MTRF1: variants seen among roughly 807,000 people sequenced by gnomAD.
MTRF1 encodes the protein mitochondrial translation release factor 1, also known as peptide chain release factor 1, mitochondrial.
In MTRF1, 51 loss-of-function variants were observed where a neutral mutation model predicts 62.9. The ratio of observed to expected loss-of-function variants is 0.81; its 90% CI spans 0.65 to 1.02. The LOEUF is 1.02. Ranked by LOEUF, MTRF1 falls within the 50% of genes least tolerant of loss-of-function variation. The probability of loss-of-function intolerance (pLI) is 0.00; values close to 1 mark genes in which losing one functional copy is unlikely to be tolerated. For synonymous variants in MTRF1, 158 were observed against 181.9 expected (o/e 0.87, Z 1.06); for missense variants, 446 against 530.0 (o/e 0.84, Z 1.56).
chr13:41,217,554 A>C (rs1240556389), intron 9 of MTRF1, among the ~76,000 whole-genome samples: 2 of 152,280 alleles, frequency 1.3e-5, no homozygotes, highest in African/African-American at 4.8e-5. Context: ...TTTTATGACA[A>C]CACCATTCTA....
chr13:41,229,711 T>C (rs536185664), intron 7 of MTRF1: 1 of 152,346 alleles, frequency 6.6e-6, no homozygotes, highest in East Asian at 1.9e-4. Context: ...CTGTGTATAA[T>C]ATAGAATGAT....
the MTRF1 span, chr13:41,311,515 C>T: frequency 4.4e-6 from 7 of 1,595,812 alleles, no homozygotes; most frequent in South Asian, 5.7e-5. Flanking sequence ...CACCTAGCCT[C>T]CCTGCCGGCC....
At position 41,254,537 on chromosome 13, in the gene MTRF1, A is replaced by G. The variant is rs749166400; in HGVS notation, c.499T>C (p.Tyr167His). ...QTIDQKINML[Y>H]NELFQSLVPK... ...GACCTCTGAAAACCTACCTCATTGT[A>G]CAACATGTTGATTTTTTGATCAATG... The change falls in exon 3 of 10, where the codon TAC becomes CAC. Residue 167 changes from tyrosine (Y) to histidine (H), a missense_variant. Tyr to His is a moderately conservative substitution (Grantham distance 83). Coordinates refer to ENST00000379480, the MANE Select transcript of MTRF1 (RefSeq NM_004294.4). 1.9e-6 allele frequency: 3 copies of G among 1,612,892 alleles called. No homozygotes were observed. The South Asian group carries it at 3.3e-5, about 18-fold the overall frequency.
At chr13:41,222,632 C>T (rs2033627018) in intron 9 of MTRF1, among the ~76,000 whole-genome samples, 1 of 152,322 alleles carries the variant, frequency 6.6e-6, no homozygotes, top group Middle Eastern at 3.4e-3. Flanking sequence ...GGGAGAGAGT[C>T]TCTGGAGGTA....
Position 41,260,922 on chromosome 13 carries a change from T to C in MTRF1, c.-8-7A>G, listed in dbSNP as rs2040373552. 5.1e-6 allele frequency: 8 copies of C among 1,559,122 alleles called. No individual in the cohort carries two copies. Among genetic ancestry groups the C allele is most frequent in the Non-Finnish European group, 6.9e-6 (8 of 1,156,608 alleles). ...TGACGATTCATCTCAGCATCTGAAA[T>C]ACAATAAACACAGTCTTTAAAAAAA... is the stretch of plus-strand genomic sequence containing the variant. On this transcript the variant is annotated splice_polypyrimidine_tract_variant and splice_region_variant and intron_variant, in intron 1 of 9. Coordinates refer to ENST00000379480, the MANE Select transcript of MTRF1 (RefSeq NM_004294.4).
At chr13:41,272,566 CCAA>C in the MTRF1 span, among the ~76,000 whole-genome samples, 11 of 152,002 alleles carry the variant, frequency 7.2e-5, no homozygotes, top group Non-Finnish European at 1.3e-4. Context: ...ACAACGAAAC[CCAA>C]CAATATGATC....
At chr13:41,245,859 T>G (rs1294405565) in intron 5 of MTRF1, among the ~76,000 whole-genome samples, 1 of 152,212 alleles carries the variant, frequency 6.6e-6, no homozygotes, top group Non-Finnish European at 1.5e-5. Context: ...TCTCCCTGGC[T>G]TTGGATTAGA....
intron 5 of MTRF1, among the ~76,000 whole-genome samples, chr13:41,246,167 G>A (rs573163635): frequency 1.7e-4 from 26 of 152,246 alleles, no homozygotes; most frequent in South Asian, 2.1e-4. Flanking sequence ...TTTCAGATCC[G>A]GCAGATGCCA....
chr13:41,286,745 G>A, the MTRF1 span, among the ~76,000 whole-genome samples: 17 of 152,142 alleles, frequency 1.1e-4, no homozygotes, highest in African/African-American at 4.1e-4. Context: ...AGTTCTGTTC[G>A]AAATCTTAGC....
the MTRF1 span, among the ~76,000 whole-genome samples, chr13:41,295,592 A>G: frequency 6.6e-6 from 1 of 152,084 alleles, no homozygotes; most frequent in Non-Finnish European, 1.5e-5. Flanking sequence ...TTTTATCGAG[A>G]TAATCCTTGT....
chr13:41,246,205 C>A (rs2038233334), intron 5 of MTRF1, among the ~76,000 whole-genome samples: 1 of 152,168 alleles, frequency 6.6e-6, no homozygotes, highest in Non-Finnish European at 1.5e-5. Context: ...TCCTCCTGCA[C>A]AGATGCTTAG....
Position 41,226,510 on chromosome 13 carries a change from A to G in MTRF1, c.1047T>C (p.Phe349=). 2 of 1,614,010 alleles carry G rather than the reference A, an allele frequency of 1.2e-6. No homozygotes were observed. The highest frequency in any genetic ancestry group is 1.3e-5 in the African/African-American group (1 of 75,048). ...GGTAGAGTCTAGCTCTCAACACACG[A>G]AAGGCTATTTCTTTATTTTTTATCT... ...RSQIKNKEIA[F]RVLRARLYQQ... is the part of the protein sequence containing the mutation. Residue 349 remains phenylalanine, a synonymous_variant, in exon 8 of 10, where the codon TTT becomes TTC. Transcript: ENST00000379480.
At chr13:41,311,757 C>T in the MTRF1 span, among the ~76,000 whole-genome samples, 1 of 152,216 alleles carries the variant, frequency 6.6e-6, no homozygotes, top group Non-Finnish European at 1.5e-5. Context: ...CCCACGGGGG[C>T]TGCCGAGCCG....
chr13:41,311,646 C>A, the MTRF1 span: 3 of 1,492,710 alleles, frequency 2.0e-6, no homozygotes, highest in South Asian at 1.2e-5. Flanking sequence ...TAAGGGCAAG[C>A]GGTCTGGCGG....
chr13:41,255,897 G>A (rs948342888), intron 2 of MTRF1, among the ~76,000 whole-genome samples: 1 of 152,026 alleles, frequency 6.6e-6, no homozygotes, highest in Non-Finnish European at 1.5e-5. Flanking sequence ...TTAGAGGCTT[G>A]GAGACTTTAT....
At chr13:41,308,514 A>G in the MTRF1 span, among the ~76,000 whole-genome samples, 1 of 152,154 alleles carries the variant, frequency 6.6e-6, no homozygotes, top group Non-Finnish European at 1.5e-5. Context: ...GTGGCTAGCA[A>G]TTATGGCAGT....
chr13:41,289,920 C>G, the MTRF1 span, among the ~76,000 whole-genome samples: 2 of 152,134 alleles, frequency 1.3e-5, no homozygotes, highest in Non-Finnish European at 2.9e-5. Flanking sequence ...AACTGACTAT[C>G]TCTTCTTCAA....
intron 9 of MTRF1, among the ~76,000 whole-genome samples, chr13:41,222,242 A>G (rs1251330468): frequency 2.0e-5 from 3 of 152,252 alleles, no homozygotes; most frequent in Middle Eastern, 3.4e-3. Flanking sequence ...TGGCAACAAA[A>G]AAGACATTTT....
chr13:41,240,301 G>A lies in MTRF1; in HGVS notation c.830C>T (p.Thr277Ile). 6.2e-7 allele frequency: 1 copy of A among 1,612,462 alleles called. No homozygotes were observed. The highest frequency in any genetic ancestry group is 8.5e-7 in the Non-Finnish European group (1 of 1,179,248). Residue 277 changes from threonine (T) to isoleucine (I), a missense_variant, in exon 6 of 10, where the codon ACA becomes ATA. Coordinates refer to ENST00000379480, the MANE Select transcript of MTRF1 (RefSeq NM_004294.4). ...AAGGACAATAACCGACATCGTTCCT[G>A]TGTGAATGCGCTGCATCCTTGAGGA... is the stretch of plus-strand genomic sequence containing the variant. ...GLSSRMQRIH[T>I]GTMSVIVLPQ...
Sources: allele counts gnomAD v4.1 joint callset (sites outside exome capture counted in the v4.1 genomes callset), GRCh38; gene constraint gnomAD v4.1.1; transcripts MANE v1.5; gene names NCBI Gene and HGNC (gene_info 2026-07-23, HGNC 2026-07-21).